Variants in MACROD2 observed in about 807,000 individuals in gnomAD.
MACROD2 encodes mono-ADP ribosylhydrolase 2.
MACROD2 carries 36 observed loss-of-function variants against 70.4 expected under a neutral mutation model. The ratio of observed to expected loss-of-function variants is 0.51; its 90% confidence interval spans 0.39 to 0.68. The LOEUF (loss-of-function observed/expected upper bound fraction) is 0.68. MACROD2 is among the 30% of genes least tolerant of loss of function. The pLI is 0.00. For missense variants in MACROD2, 496 were observed against 538.4 expected (o/e 0.92, Z 0.78); for synonymous variants, 172 against 178.8 (o/e 0.96, Z 0.30).
At chr20:14,606,012 T>C (rs1998827) in intron 4 of MACROD2, among the ~76,000 whole-genome samples, 2,900 of 152,264 alleles carry the variant, frequency 0.019, 72 homozygotes, top group African/African-American at 0.044. Flanking sequence ...CTCTTGTGTA[T>C]ATAAATCCCC....
chr20:15,905,489 A>G (rs1055173668), intron 10 of MACROD2, among the ~76,000 whole-genome samples: 10 of 152,230 alleles, frequency 6.6e-5, no homozygotes, highest in African/African-American at 1.4e-4. Flanking sequence ...TGCATCAGTC[A>G]GATGTGTTTG....
At chr20:14,239,965 G>A (rs560696679) in intron 3 of MACROD2, among the ~76,000 whole-genome samples, 1 of 152,082 alleles carries the variant, frequency 6.6e-6, no homozygotes, top group Admixed American at 6.6e-5. Flanking sequence ...AATCTATAAA[G>A]AACTTAAACA....
intron 5 of MACROD2, among the ~76,000 whole-genome samples, chr20:14,854,176 C>A (rs977824451): frequency 6.6e-6 from 1 of 152,150 alleles, no homozygotes; most frequent in African/African-American, 2.4e-5. Flanking sequence ...CTTTCTAGCA[C>A]ATCCATCTTC....
chr20:14,752,530 T>G (rs1201317828), intron 5 of MACROD2, among the ~76,000 whole-genome samples: 2 of 152,156 alleles, frequency 1.3e-5, no homozygotes, highest in Non-Finnish European at 2.9e-5. Flanking sequence ...CCTGTAGCAT[T>G]GTATTATCTT....
At chr20:15,918,401 T>A (rs1601130257) in intron 10 of MACROD2, among the ~76,000 whole-genome samples, 1 of 152,368 alleles carries the variant, frequency 6.6e-6, no homozygotes, top group East Asian at 1.9e-4. Context: ...ATCCTAACAT[T>A]TTCATGTGAT....
At chr20:15,869,238 T>TATAGAGAGAGAGAGAGAGAGAGAG in intron 9 of MACROD2, among the ~76,000 whole-genome samples, 13 of 28,296 alleles carry the variant, frequency 4.6e-4, no homozygotes, top group South Asian at 5.4e-3. Context: ...TATATATATA[T>TATAGAGAGAGAGAGAGAGAGAGAG]AGAGAGAGAG....
chr20:14,473,972 C>A (rs747038544), intron 3 of MACROD2, among the ~76,000 whole-genome samples: 5 of 152,000 alleles, frequency 3.3e-5, no homozygotes, highest in Non-Finnish European at 7.4e-5. Flanking sequence ...TTCTTCAGAT[C>A]TTTTGCCCAT....
At chr20:15,863,073 A>T (rs2064446745) in intron 9 of MACROD2, among the ~76,000 whole-genome samples, 5 of 151,582 alleles carry the variant, frequency 3.3e-5, no homozygotes, top group Admixed American at 2.6e-4. Flanking sequence ...TCACATCAAA[A>T]CTGAGGGGCT....
chr20:15,456,792 G>A (rs1396065473), intron 7 of MACROD2, among the ~76,000 whole-genome samples: 1 of 152,130 alleles, frequency 6.6e-6, no homozygotes, highest in African/African-American at 2.4e-5. Flanking sequence ...ACAGTGGAAT[G>A]GTTCCTTGTC....
rs114931074 is a variant in MACROD2, at chr20:15,298,921, C to T, written c.540+68860C>T. Among the ~76,000 whole-genome samples the T allele has an allele frequency of 3.1e-3, 469 of 152,140 alleles. 3 individuals are homozygous for T. Among genetic ancestry groups the T allele is most frequent in the African/African-American group, 0.011 (438 of 41,506 alleles). On this transcript the variant is annotated intron_variant, in intron 6 of 17. Coordinates refer to ENST00000684519, the MANE Select transcript of MACROD2 (RefSeq NM_001351661.2). ...GAGGCCCAGAAGACTAGGCAATTTC[C>T]CCCAGGTCACAAAGCTATTAAATGG... is the stretch of plus-strand genomic sequence containing the variant.
intron 3 of MACROD2, among the ~76,000 whole-genome samples, chr20:14,460,566 T>G (rs1433095078): frequency 6.6e-6 from 1 of 152,152 alleles, no homozygotes; most frequent in Non-Finnish European, 1.5e-5. Flanking sequence ...GGGTTTGTCA[T>G]AAATAACTTA....
intron 10 of MACROD2, among the ~76,000 whole-genome samples, chr20:15,929,500 T>G (rs186348247): frequency 1.3e-5 from 2 of 151,950 alleles, no homozygotes; most frequent in East Asian, 1.9e-4. Flanking sequence ...ACCAATAATC[T>G]AATCTGCAAA....
chr20:14,979,580 G>C (rs1600902461), intron 5 of MACROD2, among the ~76,000 whole-genome samples: 1 of 152,170 alleles, frequency 6.6e-6, no homozygotes, highest in East Asian at 1.9e-4. Context: ...AATACTTTGA[G>C]CTTCCTGGAA....
At chr20:15,771,475 G>T (rs73244070) in intron 8 of MACROD2, among the ~76,000 whole-genome samples, 4,542 of 151,460 alleles carry the variant, frequency 0.03, 111 homozygotes, top group East Asian at 0.069. Flanking sequence ...GAACCATCAC[G>T]CCCTGCCAGA....
At chr20:15,601,650 A>G (rs1317524133) in intron 8 of MACROD2, among the ~76,000 whole-genome samples, 1 of 152,216 alleles carries the variant, frequency 6.6e-6, no homozygotes, top group East Asian at 1.9e-4. Context: ...TCAATAATAA[A>G]GCAACAAATA....
intron 13 of MACROD2, among the ~76,000 whole-genome samples, chr20:15,983,515 T>C (rs2066432092): frequency 6.6e-6 from 1 of 152,162 alleles, no homozygotes; most frequent in Non-Finnish European, 1.5e-5. Context: ...CTCCAAGGAA[T>C]GCTAAGTCTC....
chr20:14,753,836 A>C (rs2071906305), intron 5 of MACROD2, among the ~76,000 whole-genome samples: 1 of 152,098 alleles, frequency 6.6e-6, no homozygotes. Flanking sequence ...AGTGTTGAGC[A>C]ATTTGAGGAC....
chr20:15,092,803 G>T (rs2075801923), intron 5 of MACROD2, among the ~76,000 whole-genome samples: 1 of 151,998 alleles, frequency 6.6e-6, no homozygotes, highest in Non-Finnish European at 1.5e-5. Flanking sequence ...CATAATTTTT[G>T]ATTTAAAAAA....
chr20:14,581,093 A>G (rs929314347), intron 4 of MACROD2, among the ~76,000 whole-genome samples: 8 of 152,206 alleles, frequency 5.3e-5, no homozygotes, highest in African/African-American at 1.9e-4. Flanking sequence ...GAAATCTAAA[A>G]CAATAACCCA....
Sources: gnomAD v4.1 joint callset for allele counts (sites outside exome capture counted in the v4.1 genomes callset) on GRCh38, gnomAD v4.1.1 for gene constraint, MANE v1.5 for transcripts, NCBI Gene and HGNC (gene_info 2026-07-23, HGNC 2026-07-21) for gene names.